RANBP9: variants seen among roughly 807,000 people sequenced by gnomAD.
The protein encoded by RANBP9 is RAN binding protein 9, also known as ran-binding protein 9.
Under a neutral mutation model 84.3 loss-of-function variants are expected in RANBP9, and 15 were observed. The observed-to-expected ratio is 0.18, with a 90% CI of 0.12 to 0.27. RANBP9 has a LOEUF of 0.27. RANBP9 is among the 10% of genes least tolerant of loss of function. RANBP9 has a pLI of 1.00. For missense variants in RANBP9, 809 were observed against 912.8 expected (o/e 0.89, Z 1.46); for synonymous variants, 392 against 349.6 (o/e 1.12, Z -1.35).
chr6:13,639,591 T>C lies in RANBP9; in HGVS notation c.1497A>G (p.Ser499=), dbSNP rs769541815. 16 of 1,611,776 alleles carry C rather than the reference T, an allele frequency of 9.9e-6. No homozygotes were observed. In the Middle Eastern group the frequency reaches 4.9e-4, roughly 50 times the overall value. Residue 499 remains serine (S), a synonymous_variant, in exon 9 of 14, where the codon TCA becomes TCG. Transcript: ENST00000011619. ...SHGMNIHNLA[S]GKGSTAHFSG... ...AAAAATGTGCGGTGCTTCCTTTGCC[T>C]GATGCTAAATTGTGGATATTCATTC...
intron 1 of RANBP9, among the ~76,000 whole-genome samples, chr6:13,703,057 G>A (rs559572090): frequency 1.3e-5 from 2 of 152,280 alleles, no homozygotes; most frequent in Admixed American, 1.3e-4. Context: ...CTGTTGCCCA[G>A]GCTAAAATGC....
intron 2 of RANBP9, among the ~76,000 whole-genome samples, chr6:13,660,910 C>T (rs1345859737): frequency 6.6e-6 from 1 of 152,124 alleles, no homozygotes; most frequent in South Asian, 2.1e-4. Context: ...GGCTAAGTCA[C>T]AAGAAGATGA....
intron 11 of RANBP9, among the ~76,000 whole-genome samples, chr6:13,633,009 T>C (rs968501906): frequency 6.6e-6 from 1 of 152,056 alleles, no homozygotes; most frequent in Non-Finnish European, 1.5e-5. Context: ...ATGCACTACT[T>C]TTAGAAAAAT....
intron 2 of RANBP9, among the ~76,000 whole-genome samples, chr6:13,682,648 G>A (rs1369291978): frequency 6.6e-6 from 1 of 151,932 alleles, no homozygotes; most frequent in South Asian, 2.1e-4. Context: ...ACAGGGTTTC[G>A]CCATGTTGGC....
intron 12 of RANBP9, among the ~76,000 whole-genome samples, chr6:13,629,753 G>A (rs1462040188): frequency 1.3e-5 from 2 of 152,114 alleles, no homozygotes; most frequent in Admixed American, 6.5e-5. Context: ...ACTGGAAGAC[G>A]TAGGCAGATA....
rs551456137 is a variant in RANBP9 at position 13,621,612 on chromosome 6, G to A, written c.*750C>T. On this transcript the variant is annotated 3_prime_UTR_variant, in exon 14 of 14. Transcript: ENST00000011619. ...GTGTACAAAGATTAAATTAAGACAC[G>A]GTAAATTGACTAAATATTTGGTTTT... 5.2e-5 allele frequency: 8 copies of A among 152,550 alleles called. No homozygotes were observed. In the East Asian group the frequency reaches 9.6e-4, roughly 18 times the overall value. The allele number at this position is 152,550 out of a possible 1,614,324, so 9.4% of individuals were successfully genotyped here.
intron 1 of RANBP9, among the ~76,000 whole-genome samples, chr6:13,698,266 T>C (rs1757888067): frequency 1.3e-5 from 2 of 152,242 alleles, no homozygotes; most frequent in Admixed American, 6.5e-5. Flanking sequence ...CAAGCTTGGC[T>C]AGGCAAGACA....
Position 13,658,886 on chromosome 6 carries a change from G to A in RANBP9, c.684-54C>T. On this transcript the variant is annotated intron_variant, in intron 2 of 13. Transcript: ENST00000011619. Reference sequence around the variant, plus strand: ...AAAGGACATTATTACAGTCATATATGTATAAATTACCAAACAGTCTCAAAC... The same window carrying A: ...AAAGGACATTATTACAGTCATATATATATAAATTACCAAACAGTCTCAAAC... 2.7e-6 allele frequency: 4 copies of A among 1,470,162 alleles called. No individual in the cohort carries two copies. In the South Asian group the frequency reaches 4.5e-5, roughly 17 times the overall value. The allele number at this position is 1,470,162 out of a possible 1,614,324, so 91.1% of individuals were successfully genotyped here.
intron 2 of RANBP9, 73 bp downstream of exon 2, chr6:13,696,712 C>A: frequency 7.9e-7 from 1 of 1,261,550 alleles, no homozygotes. Context: ...TCCAACTTTC[C>A]AATTACATCA....
chr6:13,700,197 C>T (rs1437658683), intron 1 of RANBP9, among the ~76,000 whole-genome samples: 2 of 152,188 alleles, frequency 1.3e-5, no homozygotes, highest in Non-Finnish European at 1.5e-5. Context: ...CCATTCTACC[C>T]TATTCCCACT....
intron 1 of RANBP9, among the ~76,000 whole-genome samples, chr6:13,699,841 T>G (rs1394822092): frequency 1.3e-5 from 2 of 152,084 alleles, no homozygotes; most frequent in African/African-American, 4.8e-5. Flanking sequence ...GCCTGAGCAA[T>G]AGAGTGAGAC....
At chr6:13,695,948 C>T (rs1766434036) in intron 2 of RANBP9, among the ~76,000 whole-genome samples, 1 of 151,212 alleles carries the variant, frequency 6.6e-6, no homozygotes, top group Non-Finnish European at 1.5e-5. Flanking sequence ...ATCCACACAG[C>T]TCAATAAGCT....
intron 5 of RANBP9, among the ~76,000 whole-genome samples, chr6:13,649,684 A>T (rs1027288925): frequency 3.3e-5 from 5 of 152,078 alleles, no homozygotes; most frequent in African/African-American, 7.2e-5. Flanking sequence ...TTTCATCAGC[A>T]TACTCAATCT....
At chr6:13,642,439 T>C (rs1765089251) in intron 7 of RANBP9, 40 bp downstream of exon 7, 1 of 1,209,168 alleles carries the variant, frequency 8.3e-7, no homozygotes, top group South Asian at 1.9e-5. Flanking sequence ...AAATCTATAA[T>C]CTGAAAACAA....
intron 2 of RANBP9, among the ~76,000 whole-genome samples, chr6:13,663,673 A>G (rs1186392591): frequency 6.6e-6 from 1 of 151,350 alleles, no homozygotes; most frequent in Non-Finnish European, 1.5e-5. Context: ...CAGTAAATAA[A>G]AAGAAATTCT....
Position 13,626,436 on chromosome 6 carries a change from T to TA in RANBP9, c.1948-673dup, listed in dbSNP as rs143364839. 3.7e-3 allele frequency among the ~76,000 whole-genome samples: 565 copies of TA among 152,356 alleles called. 4 individuals carry two copies. Among genetic ancestry groups the TA allele is most frequent in the African/African-American group, 0.013 (538 of 41,578 alleles). On this transcript the variant is annotated intron_variant, in intron 12 of 13. Transcript: ENST00000011619. ...CAAGCTCCACCACTAACTGGCTGTGTAGCCTTTGGCAATTGACAATCTAAG... is the reference window on the plus strand; with the variant it reads ...CAAGCTCCACCACTAACTGGCTGTGTAAGCCTTTGGCAATTGACAATCTAAG...
Position 13,657,150 on chromosome 6 carries a change from A to G in RANBP9, c.863T>C (p.Ile288Thr), listed in dbSNP as rs768593383. The G allele has an allele frequency of 3.4e-5, 55 of 1,612,682 alleles. No individual in the cohort carries two copies. The highest frequency in any genetic ancestry group is 4.5e-5 in the Non-Finnish European group (53 of 1,179,302). The change falls in exon 4 of 14, where the codon ATC (isoleucine) becomes ACC (threonine). Residue 288 changes from isoleucine (I) to threonine (T), a missense_variant. Physicochemically the swap from Ile to Thr is moderately conservative, Grantham distance 89. Coordinates refer to ENST00000011619, the MANE Select transcript of RANBP9 (RefSeq NM_005493.3). Reference protein sequence around the residue: ...GDVIGCCVNLINNTCFYTKNG... With the variant: ...GDVIGCCVNLTNNTCFYTKNG... Reference sequence around the variant, plus strand: ...CTTGGTGTAAAAGCAGGTATTGTTGATAAGATTAACACAACAGCCAATGAC... The same window carrying G: ...CTTGGTGTAAAAGCAGGTATTGTTGGTAAGATTAACACAACAGCCAATGAC...
At chr6:13,662,153 A>G (rs1765550001) in intron 2 of RANBP9, among the ~76,000 whole-genome samples, 1 of 152,242 alleles carries the variant, frequency 6.6e-6, no homozygotes, top group Non-Finnish European at 1.5e-5. Context: ...ATGACAAAAT[A>G]TATCACTAAA....
Position 13,711,555 on chromosome 6 carries a change from C to A in RANBP9, c.-50G>T, listed in dbSNP as rs746773668. ...CACCTCCACCTCTTCTCTCCTTCCT[C>A]CTCTGCTTCCCGGGGGCGCTGTCGC... On this transcript the variant is annotated 5_prime_UTR_variant, in exon 1 of 14. Coordinates refer to ENST00000011619, the MANE Select transcript of RANBP9 (RefSeq NM_005493.3). The A allele has an allele frequency of 8.1e-7, 1 of 1,234,314 alleles. No individual in the cohort carries two copies. Among genetic ancestry groups the A allele is most frequent in the Admixed American group, 3.3e-5 (1 of 30,588 alleles). 76.5% of individuals were successfully genotyped at this position (1,234,314 alleles called of 1,614,324 possible).
Sources: allele counts gnomAD v4.1 joint callset (sites outside exome capture counted in the v4.1 genomes callset), GRCh38; gene constraint gnomAD v4.1.1; transcripts MANE v1.5; gene names NCBI Gene and HGNC (gene_info 2026-07-23, HGNC 2026-07-21).